The following TUT4 variants were observed in gnomAD, a reference collection of about 807,000 sequenced individuals.
The protein encoded by TUT4 is terminal uridylyltransferase 4.
In TUT4, 36 loss-of-function variants were observed where a neutral mutation model predicts 192.2. The observed-to-expected ratio is 0.19, with a 90% CI of 0.14 to 0.25. The LOEUF is 0.25. Among genes scored for constraint, TUT4 ranks in the 10% least tolerant of loss-of-function variants. The pLI is 1.00. For synonymous variants in TUT4, 618 were observed against 666.0 expected, an observed-to-expected ratio of 0.93 and a Z score of 1.11; for missense variants, 1,493 against 1,957.2, an observed-to-expected ratio of 0.76 and a Z score of 4.47.
chr1:52,448,631 T>C (rs1359082214), intron 20 of TUT4, among the ~76,000 whole-genome samples: 1 of 150,060 alleles, frequency 6.7e-6, no homozygotes, highest in Non-Finnish European at 1.5e-5. Context: ...TTGCAGCTAT[T>C]AATATCTGAA....
intron 16 of TUT4, chr1:52,462,707 T>C: frequency 1.0e-6 from 1 of 983,024 alleles, no homozygotes; most frequent in Non-Finnish European, 1.2e-6. Flanking sequence ...TATGTTGATA[T>C]GGAAAAGAAA....
At chr1:52,449,602 A>T (rs1331032399) in intron 20 of TUT4, among the ~76,000 whole-genome samples, 1 of 152,128 alleles carries the variant, frequency 6.6e-6, no homozygotes, top group Non-Finnish European at 1.5e-5. Flanking sequence ...GACTGGCCTA[A>T]CTTGTAATTT....
At chr1:52,454,420 G>C (rs749737408) in intron 20 of TUT4, among the ~76,000 whole-genome samples, 22 of 152,102 alleles carry the variant, frequency 1.4e-4, no homozygotes, top group Non-Finnish European at 3.2e-4. Context: ...TATAAATATA[G>C]TACATAAATA....
intron 20 of TUT4, among the ~76,000 whole-genome samples, chr1:52,449,173 C>A (rs1370627977): frequency 1.3e-5 from 2 of 152,150 alleles, no homozygotes; most frequent in East Asian, 3.8e-4. Context: ...TCAGTCCTCC[C>A]TCTAAACAAG....
intron 16 of TUT4, 24 bp from the exon 17 acceptor site, chr1:52,461,793 A>C (rs1177690575): frequency 1.6e-6 from 2 of 1,267,404 alleles, no homozygotes; most frequent in East Asian, 5.1e-5. Flanking sequence ...CAAATAAATA[A>C]GTTTGACTCA....
intron 1 of TUT4, among the ~76,000 whole-genome samples, chr1:52,528,081 A>T (rs1682303495): frequency 2.0e-5 from 3 of 151,658 alleles, no homozygotes; most frequent in Admixed American, 1.3e-4. Flanking sequence ...TAAGAGGCTG[A>T]GGCGGGAGAA....
At chr1:52,493,271 C>T (rs1044005056) in intron 7 of TUT4, among the ~76,000 whole-genome samples, 5 of 152,026 alleles carry the variant, frequency 3.3e-5, no homozygotes, top group African/African-American at 4.8e-5. Context: ...TTAGTAGAGA[C>T]GGGGTTTCAG....
chr1:52,449,564 T>C (rs1658731814), intron 20 of TUT4, among the ~76,000 whole-genome samples: 1 of 152,194 alleles, frequency 6.6e-6, no homozygotes, highest in Non-Finnish European at 1.5e-5. Context: ...CCGCCCAAAG[T>C]GCTGGGATTA....
intron 1 of TUT4, among the ~76,000 whole-genome samples, chr1:52,551,977 C>T (rs570149554): frequency 4.9e-4 from 75 of 152,270 alleles, no homozygotes; most frequent in Non-Finnish European, 6.9e-4. Context: ...ATACACAATT[C>T]GAATTGCATT....
At chr1:52,517,238 A>G (rs1678950427) in intron 2 of TUT4, among the ~76,000 whole-genome samples, 1 of 152,216 alleles carries the variant, frequency 6.6e-6, no homozygotes, top group Non-Finnish European at 1.5e-5. Flanking sequence ...CCTACATTAG[A>G]TGACGGATTT....
chr1:52,487,702 A>T (rs1367753381), intron 9 of TUT4, among the ~76,000 whole-genome samples: 2 of 152,142 alleles, frequency 1.3e-5, no homozygotes, highest in Admixed American at 1.3e-4. Flanking sequence ...CAGAAGTTCA[A>T]GGCCAGCATG....
rs1207214323 is a variant in TUT4 at position 52,423,801 on chromosome 1, ATTTGT to A, written c.*129_*133del. On this transcript the variant is annotated 3_prime_UTR_variant, in exon 30 of 30. Transcript: ENST00000257177. ...TGTTAAAATTTTAAATCAGGACCTG[ATTTGT>A]TTTGCTTTCCATTAAATGTCACTTT... 1 of 1,543,358 alleles carries A rather than the reference ATTTGT, an allele frequency of 6.5e-7. No homozygotes were observed. The highest frequency in any genetic ancestry group is 8.7e-7 in the Non-Finnish European group (1 of 1,144,600).
At chr1:52,490,471 C>G (rs1670877710) in intron 8 of TUT4, among the ~76,000 whole-genome samples, 1 of 151,278 alleles carries the variant, frequency 6.6e-6, no homozygotes, top group African/African-American at 2.4e-5. Flanking sequence ...AAATGCAATA[C>G]TCTTGGGTGA....
chr1:52,443,269 G>A (rs1238575382), intron 24 of TUT4, among the ~76,000 whole-genome samples: 1 of 139,132 alleles, frequency 7.2e-6, no homozygotes, highest in Non-Finnish European at 1.5e-5. Flanking sequence ...GGAAACAAGA[G>A]TGAGACTCTG....
intron 20 of TUT4, among the ~76,000 whole-genome samples, chr1:52,453,110 C>T (rs951409929): frequency 2.0e-5 from 3 of 151,934 alleles, no homozygotes; most frequent in Non-Finnish European, 2.9e-5. Context: ...GGGGGCTGGG[C>T]GTGGGGGCTC....
chr1:52,516,591 T>C (rs966706255), intron 2 of TUT4, among the ~76,000 whole-genome samples: 2 of 152,236 alleles, frequency 1.3e-5, no homozygotes, highest in Non-Finnish European at 2.9e-5. Flanking sequence ...TGTAATCTCT[T>C]TGAGGCACAG....
intron 2 of TUT4, among the ~76,000 whole-genome samples, chr1:52,523,164 T>A (rs1276966201): frequency 6.6e-6 from 1 of 151,470 alleles, no homozygotes; most frequent in Non-Finnish European, 1.5e-5. Flanking sequence ...GGCTGATTTT[T>A]CTATTTTTAG....
chr1:52,444,896 T>A (rs1446759905), intron 24 of TUT4, among the ~76,000 whole-genome samples: 1 of 139,592 alleles, frequency 7.2e-6, no homozygotes, highest in East Asian at 2.0e-4. Context: ...CATATATGTG[T>A]GTATATATAT....
At chr1:52,553,352 A>G (rs1392366472), upstream of TUT4, 69 of 134,654 alleles carry the variant, frequency 5.1e-4, no homozygotes, top group African/African-American at 1.5e-3. Flanking sequence ...GAGGGGGGAA[A>G]CAGCACTGGG....
Sources: gnomAD v4.1 joint callset for allele counts (sites outside exome capture counted in the v4.1 genomes callset) on GRCh38, gnomAD v4.1.1 for gene constraint, MANE v1.5 for transcripts, NCBI Gene and HGNC (gene_info 2026-07-23, HGNC 2026-07-21) for gene names.